ZNF736: variants seen among roughly 807,000 people sequenced by gnomAD.
ZNF736 encodes the protein zinc finger protein 736, also known as KRAB-containing zinc-finger repressor protein.
In ZNF736, 6 loss-of-function variants were observed where a neutral mutation model predicts 11.7. The observed-to-expected ratio is 0.51, with a 90% CI of 0.28 to 1.01. ZNF736 has a LOEUF of 1.01. Ranked by LOEUF, ZNF736 falls within the 50% of genes least tolerant of loss-of-function variation. ZNF736 has a pLI of 0.09. For synonymous variants in ZNF736, 139 were observed against 164.7 expected, an observed-to-expected ratio of 0.84 and a Z score of 1.19; for missense variants, 444 against 496.0, an observed-to-expected ratio of 0.90 and a Z score of 1.00.
intron 1 of ZNF736, among the ~76,000 whole-genome samples, chr7:64,315,124 A>G (rs901609729): frequency 3.3e-5 from 5 of 151,974 alleles, no homozygotes; most frequent in African/African-American, 1.2e-4. Flanking sequence ...ACCTTCATCC[A>G]TGATTTTAAG....
At chr7:64,338,020 G>A (rs1461123302) in intron 3 of ZNF736, among the ~76,000 whole-genome samples, 1 of 152,084 alleles carries the variant, frequency 6.6e-6, no homozygotes, top group East Asian at 1.9e-4. Context: ...CTCCCAAAAT[G>A]CTAGGATTAT....
At chr7:64,343,477 T>C (rs944346977) in intron 3 of ZNF736, among the ~76,000 whole-genome samples, 1 of 152,134 alleles carries the variant, frequency 6.6e-6, no homozygotes, top group Non-Finnish European at 1.5e-5. Context: ...TCTATCTGAG[T>C]AGTAGTAGCA....
intron 3 of ZNF736, 118 bp downstream of exon 3, chr7:64,337,100 A>G: frequency 1.1e-6 from 1 of 874,642 alleles, no homozygotes. Context: ...TTTCTGAGAA[A>G]CCTTCATTTC....
At chr7:64,319,313 GTATGTGTGTGTGTGTATGTGTA>G (rs1562666611) in intron 1 of ZNF736, among the ~76,000 whole-genome samples, 32 of 96,620 alleles carry the variant, frequency 3.3e-4, no homozygotes, top group African/African-American at 1.0e-3. Context: ...GTGTGTATAT[GTATGTGTGTGTGTGTATGTGTA>G]TATATATATA....
At chr7:64,347,827 T>G (rs1584277527) in intron 3 of ZNF736, among the ~76,000 whole-genome samples, 1 of 152,126 alleles carries the variant, frequency 6.6e-6, no homozygotes, top group Non-Finnish European at 1.5e-5. Flanking sequence ...ATGGCTGTGG[T>G]GGGTAAATAT....
Position 64,349,684 on chromosome 7 carries a change from T to C in ZNF736, c.*537T>C, listed in dbSNP as rs1789460469. On this transcript the variant is annotated 3_prime_UTR_variant, in exon 4 of 4. Transcript: ENST00000423484. ...ACAGTTTGTATACTTTAGTGTGCTT[T>C]TGTAGTGACTGGTAATAGTCTTTTT... is the stretch of plus-strand genomic sequence containing the variant. The C allele has an allele frequency of 6.6e-6, 1 of 152,598 alleles. No homozygotes were observed. The highest frequency in any genetic ancestry group is 1.5e-5 in the Non-Finnish European group (1 of 68,386). 9.5% of individuals were successfully genotyped at this position (152,598 alleles called of 1,614,324 possible).
chr7:64,346,998 TC>T (rs1789419341), intron 3 of ZNF736, among the ~76,000 whole-genome samples: 1 of 151,696 alleles, frequency 6.6e-6, no homozygotes, highest in Non-Finnish European at 1.5e-5. Context: ...TTCTGGATAT[TC>T]TTTTTTTTCT....
rs1355637477 is a variant in ZNF736, at chr7:64,352,847, G to A, written c.*3700G>A. On this transcript the variant is annotated 3_prime_UTR_variant, in exon 4 of 4. Transcript: ENST00000423484. Reference sequence around the variant, plus strand: ...TCCTCTTTCTGGTAGCTCCATCCCAGGGAGGTGCAGTGCTGCTACCAATGG... The same window carrying A: ...TCCTCTTTCTGGTAGCTCCATCCCAAGGAGGTGCAGTGCTGCTACCAATGG... The A allele has an allele frequency of 1.3e-5, 2 of 152,292 alleles. No homozygotes were observed. The highest frequency in any genetic ancestry group is 2.9e-5 in the Non-Finnish European group (2 of 68,126). The allele number at this position is 152,292 out of a possible 1,614,324, so 9.4% of individuals were successfully genotyped here.
chr7:64,325,135 G>A (rs1329377714), intron 1 of ZNF736, among the ~76,000 whole-genome samples: 6 of 150,366 alleles, frequency 4.0e-5, no homozygotes, highest in South Asian at 4.2e-4. Context: ...TTAAATACAC[G>A]CTTAGGTTGA....
chr7:64,324,125 T>C (rs1184175415), intron 1 of ZNF736, among the ~76,000 whole-genome samples: 1 of 152,236 alleles, frequency 6.6e-6, no homozygotes, highest in Non-Finnish European at 1.5e-5. Flanking sequence ...TTTTCTTTTT[T>C]TGTTTTTGAT....
chr7:64,349,097 C>G lies in ZNF736; in HGVS notation c.1234C>G (p.Leu412Val). The change falls in exon 4 of 4, where the codon CTC becomes GTC. Residue 412 changes from leucine (L) to valine (V), a missense_variant. Coordinates refer to ENST00000423484, the MANE Select transcript of ZNF736 (RefSeq NM_001170905.3). Reference sequence around the variant, plus strand: ...CAAAGCATCGAGCTGGTTCTCACACCTCATCAGACATAAGAGAATTCATAC... The same window carrying G: ...CAAAGCATCGAGCTGGTTCTCACACGTCATCAGACATAAGAGAATTCATAC... ...CGKASSWFSH[L>V]IRHKRIHTRE... is the part of the protein sequence containing the mutation. The G allele has an allele frequency of 6.3e-7, 1 of 1,589,580 alleles. No individual in the cohort carries two copies. The highest frequency in any genetic ancestry group is 8.6e-7 in the Non-Finnish European group (1 of 1,167,396).
intron 1 of ZNF736, 95 bp from the exon 2 acceptor site, chr7:64,336,164 A>G (rs777206032): frequency 5.3e-5 from 75 of 1,415,834 alleles, no homozygotes; most frequent in Admixed American, 8.3e-5. Flanking sequence ...AGTAACTCAT[A>G]TAAGTCAGAA....
rs761465872 is a variant in ZNF736, at chr7:64,349,343, T to G, written c.*196T>G. 9.6e-6 allele frequency: 4 copies of G among 416,186 alleles called. No individual in the cohort carries two copies. Among genetic ancestry groups the G allele is most frequent in the Non-Finnish European group, 1.3e-5 (3 of 239,858 alleles). 25.8% of individuals were successfully genotyped at this position (416,186 alleles called of 1,614,324 possible). On this transcript the variant is annotated 3_prime_UTR_variant, in exon 4 of 4. Coordinates refer to ENST00000423484, the MANE Select transcript of ZNF736 (RefSeq NM_001170905.3). ...CCCTTTGCTATTATGTAATGCCCTT[T>G]TTTTTTAAATCTATGTTAATTTCAA...
At position 64,348,220 on chromosome 7, in the gene ZNF736, T is replaced by A; in HGVS notation, c.357T>A (p.Ser119Arg). ...NNLHLKKDYQ[S>R]VGNCKGQKSS... ...TACATTTAAAGAAAGACTACCAAAG[T>A]GTGGGTAATTGCAAGGGGCAGAAAA... Residue 119 changes from serine (S) to arginine (R), a missense_variant, in exon 4 of 4, where the codon AGT becomes AGA. Transcript: ENST00000423484. 1 of 1,551,860 alleles carries A rather than the reference T, an allele frequency of 6.4e-7. No individual in the cohort carries two copies. Among genetic ancestry groups the A allele is most frequent in the Non-Finnish European group, 8.7e-7 (1 of 1,146,902 alleles).
intron 1 of ZNF736, among the ~76,000 whole-genome samples, chr7:64,322,261 A>C (rs1584265643): frequency 6.6e-6 from 1 of 152,256 alleles, no homozygotes; most frequent in East Asian, 1.9e-4. Context: ...TATAATAGCC[A>C]TTCTCATGTG....
chr7:64,335,703 C>T (rs1380622321), intron 1 of ZNF736, among the ~76,000 whole-genome samples: 3 of 152,198 alleles, frequency 2.0e-5, no homozygotes, highest in South Asian at 2.1e-4. Flanking sequence ...TGAAGGCTCT[C>T]GTCTTTCTTT....
chr7:64,317,499 C>G (rs2115862798), intron 1 of ZNF736, among the ~76,000 whole-genome samples: 1 of 152,186 alleles, frequency 6.6e-6, no homozygotes, highest in East Asian at 1.9e-4. Context: ...TGGGTTTTTT[C>G]AGAGCTATGT....
intron 1 of ZNF736, among the ~76,000 whole-genome samples, chr7:64,323,967 T>C (rs1789042558): frequency 6.6e-6 from 1 of 152,182 alleles, no homozygotes; most frequent in Admixed American, 6.5e-5. Flanking sequence ...AGTAAACACA[T>C]ACCAACTATT....
intron 1 of ZNF736, among the ~76,000 whole-genome samples, chr7:64,329,756 A>G (rs1229194188): frequency 7.2e-6 from 1 of 138,756 alleles, no homozygotes; most frequent in Non-Finnish European, 1.6e-5. Context: ...CACAGTGACC[A>G]CTACCTAGCT....
Sources: gnomAD v4.1 joint callset for allele counts (sites outside exome capture counted in the v4.1 genomes callset) on GRCh38, gnomAD v4.1.1 for gene constraint, MANE v1.5 for transcripts, NCBI Gene and HGNC (gene_info 2026-07-23, HGNC 2026-07-21) for gene names.